The following RIT2 variants were observed in gnomAD, a reference collection of about 807,000 sequenced individuals.
RIT2 encodes GTP-binding protein Rit2.
RIT2 carries 24 observed loss-of-function variants against 23.7 expected under a neutral mutation model. The ratio of observed to expected loss-of-function variants is 1.01; its 90% CI spans 0.73 to 1.43. The LOEUF (loss-of-function observed/expected upper bound fraction) is 1.43. RIT2 is among the 40% of genes most tolerant of loss of function. RIT2 has a pLI of 0.00. For missense variants in RIT2, 236 were observed against 266.9 expected, an observed-to-expected ratio of 0.88 and a Z score of 0.81; for synonymous variants, 107 against 91.1, an observed-to-expected ratio of 1.17 and a Z score of -0.99.
intron 2 of RIT2, among the ~76,000 whole-genome samples, chr18:42,990,919 T>TG (rs959066598): frequency 5.3e-5 from 8 of 150,608 alleles, no homozygotes; most frequent in South Asian, 2.1e-4. Flanking sequence ...TTTGTTTTTT[T>TG]TTTTTTTTTT....
At chr18:42,835,597 A>G (rs1906574678) in intron 4 of RIT2, among the ~76,000 whole-genome samples, 1 of 152,160 alleles carries the variant, frequency 6.6e-6, no homozygotes. Context: ...AGAGAAGCAC[A>G]AATAAAGTTG....
chr18:43,092,333 C>T (rs1913442104), intron 1 of RIT2, among the ~76,000 whole-genome samples: 1 of 151,980 alleles, frequency 6.6e-6, no homozygotes, highest in Non-Finnish European at 1.5e-5. Flanking sequence ...TTTGTTTTTT[C>T]CTTTTAAAAA....
chr18:42,905,569 T>G lies in RIT2; in HGVS notation c.426+18003A>C, dbSNP rs530320041. Among the ~76,000 whole-genome samples, 8 of 152,176 alleles carry G rather than the reference T, an allele frequency of 5.3e-5. No individual in the cohort carries two copies. In the East Asian group the frequency reaches 1.2e-3, roughly 22 times the overall value. ...CTCACTGCAACCTCTGCCTCGCAGG[T>G]TCAAGTGATTCTCCTGCCTCAGTCT... On this transcript the variant is annotated intron_variant, in intron 4 of 4. Transcript: ENST00000326695.
chr18:43,110,982 A>C (rs1260472246), intron 1 of RIT2, among the ~76,000 whole-genome samples: 1 of 152,216 alleles, frequency 6.6e-6, no homozygotes, highest in African/African-American at 2.4e-5. Context: ...GGGTGGCAGT[A>C]TCAGCAGCTA....
chr18:42,751,674 A>G (rs894694692), intron 4 of RIT2, among the ~76,000 whole-genome samples: 4 of 151,990 alleles, frequency 2.6e-5, no homozygotes, highest in Non-Finnish European at 5.9e-5. Context: ...TCGACCATCT[A>G]ATTCAAAGCA....
At position 42,834,457 on chromosome 18, in the gene RIT2, A is replaced by G. The variant is rs1906543976; in HGVS notation, c.426+89115T>C. Among the ~76,000 whole-genome samples the G allele has an allele frequency of 2.0e-5, 3 of 152,294 alleles. No individual in the cohort carries two copies. The South Asian group carries it at 6.2e-4, about 32-fold the overall frequency. On this transcript the variant is annotated intron_variant, in intron 4 of 4. Coordinates refer to ENST00000326695, the MANE Select transcript of RIT2 (RefSeq NM_002930.4). ...TAACTGAGTTTGATCTACATTAATT[A>G]TATGACTAGATATTTGAAACTCCAT...
intron 4 of RIT2, among the ~76,000 whole-genome samples, chr18:42,915,842 C>T (rs550811588): frequency 6.6e-6 from 1 of 151,638 alleles, no homozygotes; most frequent in South Asian, 2.1e-4. Context: ...AACATTTGTA[C>T]ATATGCGTGT....
At chr18:43,016,328 C>G (rs1434571820) in intron 2 of RIT2, among the ~76,000 whole-genome samples, 1 of 151,666 alleles carries the variant, frequency 6.6e-6, no homozygotes, top group Non-Finnish European at 1.5e-5. Flanking sequence ...TTTTAAATTG[C>G]TTTTTACATA....
chr18:42,853,376 T>C (rs939221731), intron 4 of RIT2, among the ~76,000 whole-genome samples: 5 of 152,212 alleles, frequency 3.3e-5, no homozygotes, highest in African/African-American at 1.2e-4. Context: ...CCCATCCAGG[T>C]CATTGGCATA....
At chr18:42,757,496 T>C (rs1298296719) in intron 4 of RIT2, among the ~76,000 whole-genome samples, 2 of 152,168 alleles carry the variant, frequency 1.3e-5, no homozygotes, top group East Asian at 1.9e-4. Context: ...AGGCTTGCCA[T>C]GAAAAGAAGG....
intron 4 of RIT2, among the ~76,000 whole-genome samples, chr18:42,911,612 T>C (rs961082235): frequency 2.6e-5 from 4 of 151,980 alleles, no homozygotes; most frequent in Admixed American, 6.6e-5. Context: ...ATATGCAAAA[T>C]TTTTATTGAA....
intron 4 of RIT2, among the ~76,000 whole-genome samples, chr18:42,898,405 C>T (rs1249781376): frequency 6.6e-6 from 1 of 151,848 alleles, no homozygotes; most frequent in Non-Finnish European, 1.5e-5. Context: ...ACAAAATCAA[C>T]AACAAAAAAG....
At chr18:42,946,993 C>T (rs1909743457) in intron 3 of RIT2, among the ~76,000 whole-genome samples, 1 of 152,006 alleles carries the variant, frequency 6.6e-6, no homozygotes, top group Non-Finnish European at 1.5e-5. Flanking sequence ...AAAATGGGTC[C>T]AAGAAGAGAA....
At chr18:42,986,962 C>T (rs1366265363) in intron 2 of RIT2, among the ~76,000 whole-genome samples, 1 of 152,030 alleles carries the variant, frequency 6.6e-6, no homozygotes, top group Non-Finnish European at 1.5e-5. Flanking sequence ...AGACTAACAA[C>T]ATCAAATAAT....
At chr18:43,013,399 C>A (rs546940525) in intron 2 of RIT2, among the ~76,000 whole-genome samples, 3 of 151,734 alleles carry the variant, frequency 2.0e-5, no homozygotes, top group Non-Finnish European at 4.4e-5. Context: ...GTCCAGGAAT[C>A]GTGACTGAGA....
At chr18:43,049,972 C>CTTTTTTTTTTTTTTTTTTTTT (rs755291383) in intron 1 of RIT2, among the ~76,000 whole-genome samples, 3 of 66,012 alleles carry the variant, frequency 4.5e-5, no homozygotes, top group African/African-American at 2.0e-4. Flanking sequence ...AAGGGATTTC[C>CTTTTTTTTTTTTTTTTTTTTT]TTTTTTTTTT....
chr18:42,976,715 G>A (rs1479107669), intron 2 of RIT2, among the ~76,000 whole-genome samples: 2 of 151,990 alleles, frequency 1.3e-5, no homozygotes, highest in Non-Finnish European at 2.9e-5. Flanking sequence ...TAAGAAACGT[G>A]GAGTTCATTA....
intron 2 of RIT2, among the ~76,000 whole-genome samples, chr18:43,014,670 G>A (rs200127180): frequency 6.7e-6 from 1 of 149,672 alleles, no homozygotes; most frequent in African/African-American, 2.4e-5. Context: ...GCAAAAAAAG[G>A]AAGAAAACGT....
At chr18:43,109,093 G>A (rs1913894916) in intron 1 of RIT2, among the ~76,000 whole-genome samples, 1 of 152,180 alleles carries the variant, frequency 6.6e-6, no homozygotes, top group African/African-American at 2.4e-5. Context: ...AATTCACTGA[G>A]GTGGAAGGAA....
Sources: allele counts gnomAD v4.1 joint callset (sites outside exome capture counted in the v4.1 genomes callset), GRCh38; gene constraint gnomAD v4.1.1; transcripts MANE v1.5; gene names NCBI Gene and HGNC (gene_info 2026-07-23, HGNC 2026-07-21).